The following ZDHHC15 variants were observed in gnomAD, a reference collection of about 807,000 sequenced individuals.
ZDHHC15 encodes the protein zDHHC palmitoyltransferase 15, also known as palmitoyltransferase ZDHHC15.
Under a neutral mutation model 31.7 loss-of-function variants are expected in ZDHHC15, and 19 were observed. The observed-to-expected ratio is 0.60, with a 90% CI of 0.42 to 0.88. ZDHHC15 has a LOEUF of 0.88. ZDHHC15 is among the 40% of genes least tolerant of loss of function. The pLI is 0.00. For synonymous variants in ZDHHC15, 103 were observed against 90.0 expected, an observed-to-expected ratio of 1.14 and a Z score of -0.82; for missense variants, 209 against 251.2, an observed-to-expected ratio of 0.83 and a Z score of 1.14.
intron 3 of ZDHHC15, among the ~76,000 whole-genome samples, chrX:75,455,645 T>C (rs2084207690): frequency 2.7e-5 from 3 of 111,860 alleles, no homozygotes; most frequent in African/African-American, 9.7e-5. Flanking sequence ...ATCCAGAATC[T>C]ACAAAGAACT....
chrX:75,445,914 G>A (rs1221162658), intron 4 of ZDHHC15, among the ~76,000 whole-genome samples: 1 of 111,104 alleles, frequency 9.0e-6, no homozygotes, highest in Non-Finnish European at 1.9e-5. Context: ...AGGGATCAAC[G>A]CTGCGTTGCT....
At chrX:75,377,455 C>T (rs1376318590) in intron 11 of ZDHHC15, among the ~76,000 whole-genome samples, 3 of 109,214 alleles carry the variant, frequency 2.7e-5, no homozygotes, top group Non-Finnish European at 3.8e-5. Context: ...GAGATCACTC[C>T]ACTGCACTCC....
chrX:75,463,695 T>A (rs1018013994), intron 3 of ZDHHC15, among the ~76,000 whole-genome samples: 1 of 111,766 alleles, frequency 8.9e-6, no homozygotes, highest in East Asian at 2.8e-4. Context: ...GAAAAAATGC[T>A]CATCATCACT....
At chrX:75,423,352 C>T (rs2083672776) in intron 8 of ZDHHC15, among the ~76,000 whole-genome samples, 1 of 107,489 alleles carries the variant, frequency 9.3e-6, no homozygotes, top group African/African-American at 3.4e-5. Flanking sequence ...CTCCCATACT[C>T]CTTCCTCAAG....
At chrX:75,439,974 T>C (rs1462435324) in intron 4 of ZDHHC15, among the ~76,000 whole-genome samples, 1 of 111,647 alleles carries the variant, frequency 9.0e-6, no homozygotes, top group African/African-American at 3.3e-5. Context: ...TACCGGACTC[T>C]GTGCTGGTAC....
intron 3 of ZDHHC15, among the ~76,000 whole-genome samples, chrX:75,475,652 T>C (rs1184717280): frequency 8.9e-6 from 1 of 112,222 alleles, no homozygotes; most frequent in East Asian, 2.8e-4. Flanking sequence ...TCAGGAAGTG[T>C]GAAGCTACAA....
intron 3 of ZDHHC15, among the ~76,000 whole-genome samples, chrX:75,457,519 A>T (rs1465469144): frequency 9.0e-6 from 1 of 110,770 alleles, no homozygotes; most frequent in African/African-American, 3.3e-5. Flanking sequence ...AAATTTTGTC[A>T]TTATCTATTT....
intron 4 of ZDHHC15, among the ~76,000 whole-genome samples, chrX:75,441,785 G>T (rs796943214): frequency 1.8e-5 from 2 of 109,694 alleles, no homozygotes; most frequent in African/African-American, 6.6e-5. Context: ...CACTGCGCAC[G>T]GCTAATTTTT....
At chrX:75,468,042 T>G (rs1462260532) in intron 3 of ZDHHC15, among the ~76,000 whole-genome samples, 1 of 4,780 alleles carries the variant, frequency 2.1e-4, no homozygotes, top group African/African-American at 2.6e-4. Context: ...ACTGGCATAA[T>G]TTTTTTTTTT....
At chrX:75,445,160 A>G (rs1225671865) in intron 4 of ZDHHC15, among the ~76,000 whole-genome samples, 2 of 111,370 alleles carry the variant, frequency 1.8e-5, no homozygotes, top group Non-Finnish European at 3.8e-5. Flanking sequence ...ATATACATAT[A>G]CCTCATTGTT....
At chrX:75,457,374 T>C (rs909081361) in intron 3 of ZDHHC15, among the ~76,000 whole-genome samples, 7 of 111,284 alleles carry the variant, frequency 6.3e-5, no homozygotes, top group African/African-American at 2.3e-4. Context: ...GTAGAAATTC[T>C]TTATATATTT....
chrX:75,374,375 A>G (rs1322550310), intron 11 of ZDHHC15, among the ~76,000 whole-genome samples: 2 of 110,185 alleles, frequency 1.8e-5, no homozygotes, highest in African/African-American at 6.6e-5. Context: ...CCCAGAAGTT[A>G]AAGTATAATT....
intron 2 of ZDHHC15, among the ~76,000 whole-genome samples, chrX:75,493,631 C>T (rs746804647): frequency 1.8e-5 from 2 of 111,953 alleles, no homozygotes; most frequent in South Asian, 3.8e-4. Context: ...GTTCAACATA[C>T]GCAAATCAAT....
chrX:75,406,550 G>T (rs909317495), intron 10 of ZDHHC15, among the ~76,000 whole-genome samples: 2 of 110,551 alleles, frequency 1.8e-5, no homozygotes, highest in Non-Finnish European at 3.8e-5. Context: ...AATCATTAGA[G>T]ATTATAATGA....
chrX:75,475,498 T>C (rs971066028), intron 3 of ZDHHC15, among the ~76,000 whole-genome samples: 2 of 112,243 alleles, frequency 1.8e-5, no homozygotes, highest in Non-Finnish European at 3.8e-5. Context: ...TTAGAATGCT[T>C]TTAGCATGGT....
intron 9 of ZDHHC15, among the ~76,000 whole-genome samples, chrX:75,421,138 A>G (rs750121032): frequency 1.9e-5 from 2 of 104,147 alleles, no homozygotes; most frequent in Non-Finnish European, 3.9e-5. Flanking sequence ...CTTCTCTTCT[A>G]TATATATTTA....
At chrX:75,464,928 C>T (rs967793417) in intron 3 of ZDHHC15, among the ~76,000 whole-genome samples, 2 of 111,795 alleles carry the variant, frequency 1.8e-5, no homozygotes, top group Admixed American at 1.9e-4. Context: ...CACTCCTATT[C>T]AACATATTAT....
chrX:75,513,588 A>G (rs979260874), intron 1 of ZDHHC15, among the ~76,000 whole-genome samples: 11 of 111,689 alleles, frequency 9.8e-5, no homozygotes, highest in African/African-American at 3.6e-4. Context: ...ACTATATACA[A>G]TAATAGAGCC....
At chrX:75,378,391 C>A (rs1048407982) in intron 11 of ZDHHC15, among the ~76,000 whole-genome samples, 28 of 111,960 alleles carry the variant, frequency 2.5e-4, no homozygotes, top group African/African-American at 9.1e-4. Flanking sequence ...TTGTACACAG[C>A]AGAATTTCTG....
Sources: gnomAD v4.1 joint callset for allele counts (sites outside exome capture counted in the v4.1 genomes callset) on GRCh38, gnomAD v4.1.1 for gene constraint, MANE v1.5 for transcripts, NCBI Gene and HGNC (gene_info 2026-07-23, HGNC 2026-07-21) for gene names.